TTLL11: variants seen among roughly 807,000 people sequenced by gnomAD.
TTLL11 encodes tubulin polyglutamylase TTLL11.
A neutral mutation model predicts 51.7 loss-of-function variants in TTLL11; 42 were observed. The observed-to-expected ratio is 0.81, with a 90% CI of 0.64 to 1.05. The LOEUF (loss-of-function observed/expected upper bound fraction) is 1.05, where lower values mean the gene tolerates loss of function less well. Among genes scored for constraint, TTLL11 ranks in the 50% least tolerant of loss-of-function variants. TTLL11 has a pLI of 0.00. For synonymous variants in TTLL11, 381 were observed against 383.5 expected, an observed-to-expected ratio of 0.99 and a Z score of 0.08; for missense variants, 799 against 940.4, an observed-to-expected ratio of 0.85 and a Z score of 1.97.
chr9:121,861,141 G>A (rs899572137), intron 7 of TTLL11, among the ~76,000 whole-genome samples: 2 of 150,388 alleles, frequency 1.3e-5, no homozygotes, highest in South Asian at 2.1e-4. Context: ...AGGCTGGAGT[G>A]CAGTATTGTA....
chr9:122,002,512 A>C (rs1843500397), intron 3 of TTLL11, among the ~76,000 whole-genome samples: 1 of 152,224 alleles, frequency 6.6e-6, no homozygotes, highest in Admixed American at 6.5e-5. Flanking sequence ...AAATAAATAC[A>C]GAGAAAAGCA....
chr9:121,851,595 G>A (rs1180104456), intron 8 of TTLL11, among the ~76,000 whole-genome samples: 1 of 152,224 alleles, frequency 6.6e-6, no homozygotes, highest in African/African-American at 2.4e-5. Context: ...TTAGGAGAGA[G>A]CCTGCTGGAG....
intron 6 of TTLL11, among the ~76,000 whole-genome samples, chr9:121,939,242 A>C (rs141786045): frequency 6.6e-6 from 1 of 152,328 alleles, no homozygotes; most frequent in Non-Finnish European, 1.5e-5. Context: ...GGAAATATTA[A>C]ATATTATAAT....
intron 3 of TTLL11, among the ~76,000 whole-genome samples, chr9:122,030,939 T>G (rs1306709776): frequency 6.6e-6 from 1 of 152,032 alleles, no homozygotes; most frequent in Non-Finnish European, 1.5e-5. Flanking sequence ...ACACTCCGTC[T>G]CAAAAACACA....
At position 122,030,213 on chromosome 9, in the gene TTLL11, G is replaced by GT. The variant is rs1360427894; in HGVS notation, c.693+1509_693+1510insA. ...CAGAAGAGAGACATTGGGGGGGGGG[G>GT]GGTAATTATGAGGAACAGCTGAGAG... On this transcript the variant is annotated intron_variant, in intron 3 of 8. Transcript: ENST00000321582. 2.9e-5 allele frequency among the ~76,000 whole-genome samples: 4 copies of GT among 135,752 alleles called. No individual in the cohort carries two copies. In the Admixed American group the frequency reaches 3.0e-4, roughly 10 times the overall value. 89.1% of individuals were successfully genotyped at this position (135,752 alleles called of 152,430 possible). A position where few individuals can be genotyped will look rare whatever the true frequency, so the allele number is the denominator to read the frequency against.
At chr9:122,061,838 A>G (rs1845441510) in intron 1 of TTLL11, among the ~76,000 whole-genome samples, 1 of 152,054 alleles carries the variant, frequency 6.6e-6, no homozygotes, top group Non-Finnish European at 1.5e-5. Context: ...GGGTTTCACC[A>G]CATTGGCCAG....
At chr9:121,826,551 G>GTATATATATATATATATATA in intron 8 of TTLL11, among the ~76,000 whole-genome samples, 1 of 36,340 alleles carries the variant, frequency 2.8e-5, no homozygotes, top group South Asian at 7.9e-4. Flanking sequence ...ATATATATAT[G>GTATATATATATATATATATA]TGTGTGTATA....
chr9:121,936,847 G>A (rs548141838), intron 6 of TTLL11, among the ~76,000 whole-genome samples: 46 of 152,334 alleles, frequency 3.0e-4, no homozygotes, highest in African/African-American at 1.1e-3. Flanking sequence ...ACATCACTAT[G>A]TGGGCTTTTA....
intron 6 of TTLL11, among the ~76,000 whole-genome samples, chr9:121,967,677 G>C (rs2131640074): frequency 6.6e-6 from 1 of 152,274 alleles, no homozygotes; most frequent in African/African-American, 2.4e-5. Flanking sequence ...ATCTAATGTA[G>C]AATGCCAACA....
At chr9:121,960,433 C>T (rs1298084321) in intron 6 of TTLL11, among the ~76,000 whole-genome samples, 2 of 152,094 alleles carry the variant, frequency 1.3e-5, no homozygotes, top group African/African-American at 4.8e-5. Flanking sequence ...CTCTGAGAGC[C>T]CCATGTCCTG....
At chr9:122,044,951 C>A (rs766061329) in intron 1 of TTLL11, among the ~76,000 whole-genome samples, 2 of 151,706 alleles carry the variant, frequency 1.3e-5, no homozygotes, top group African/African-American at 2.4e-5. Context: ...AACAAAATAC[C>A]TGAAAAATTA....
In TTLL11 at chr9:122,093,183, GC is replaced by G; in HGVS notation, c.-36del. The stretch of plus-strand genomic sequence containing the variant: ...GGCCGGGGCCAGTGCCAGTGCCACC[GC>G]CGCCGCCGCCGCCGCTCCGCCGCCC... On this transcript the variant is annotated 5_prime_UTR_variant, in exon 1 of 9. The change abolishes the stop of an existing upstream ORF in the 5' untranslated region. Coordinates refer to ENST00000321582, the MANE Select transcript of TTLL11 (RefSeq NM_001139442.2). 1 of 1,304,340 alleles carries G rather than the reference GC, an allele frequency of 7.7e-7. No individual in the cohort carries two copies. The highest frequency in any genetic ancestry group is 1.5e-5 in the South Asian group (1 of 64,616). 80.8% of individuals were successfully genotyped at this position (1,304,340 alleles called of 1,614,324 possible).
intron 6 of TTLL11, among the ~76,000 whole-genome samples, chr9:121,897,640 A>ACACACACACACACACACACACATACG (rs111331446): frequency 7.2e-6 from 1 of 139,292 alleles, no homozygotes; most frequent in Non-Finnish European, 1.6e-5. Context: ...ACACACACAC[A>ACACACACACACACACACACACATACG]CGCGCGCGCG....
rs115850547 is a variant in TTLL11 at position 121,950,205 on chromosome 9, C to T, written c.1481+23804G>A. On this transcript the variant is annotated intron_variant, in intron 6 of 8. Transcript: ENST00000321582. The stretch of plus-strand genomic sequence containing the variant: ...TATGACCCTCCTAGGCGCTCTGCAC[C>T]CCGTATCACCGCACTCCTCAAATGA... 6.9e-3 allele frequency among the ~76,000 whole-genome samples: 1,047 copies of T among 152,164 alleles called. 12 individuals carry two copies. Among genetic ancestry groups the T allele is most frequent in the African/African-American group, 0.022 (905 of 41,490 alleles).
chr9:121,832,335 C>T (rs747251044), intron 8 of TTLL11, among the ~76,000 whole-genome samples: 4 of 152,130 alleles, frequency 2.6e-5, no homozygotes, highest in Non-Finnish European at 4.4e-5. Flanking sequence ...CCTGCCCCTT[C>T]GCCAGCACTC....
At position 121,982,402 on chromosome 9, in the gene TTLL11, G is replaced by A. The variant is rs554541516; in HGVS notation, c.1269+6793C>T. Among the ~76,000 whole-genome samples, 7 of 152,202 alleles carry A rather than the reference G, an allele frequency of 4.6e-5. No homozygotes were observed. In the East Asian group the frequency reaches 1.4e-3, roughly 29 times the overall value. ...CTCAGGGAGGTGACATATGGACAGG[G>A]GCTAAATAAAGTGAGAGAATAAGTC... On this transcript the variant is annotated intron_variant, in intron 4 of 8. Coordinates refer to ENST00000321582, the MANE Select transcript of TTLL11 (RefSeq NM_001139442.2).
chr9:122,058,242 G>T (rs1473259672), intron 1 of TTLL11, among the ~76,000 whole-genome samples: 4 of 152,224 alleles, frequency 2.6e-5, no homozygotes, highest in African/African-American at 9.6e-5. Flanking sequence ...GTGCCTGGGA[G>T]GGAGTAGGCG....
chr9:121,910,005 T>C (rs1015982894), intron 6 of TTLL11, among the ~76,000 whole-genome samples: 1 of 152,154 alleles, frequency 6.6e-6, no homozygotes, highest in African/African-American at 2.4e-5. Flanking sequence ...TTTTCCCCCA[T>C]AACCTCGCTG....
At chr9:121,844,248 G>T (rs1303326331) in intron 8 of TTLL11, among the ~76,000 whole-genome samples, 1 of 151,756 alleles carries the variant, frequency 6.6e-6, no homozygotes, top group Non-Finnish European at 1.5e-5. Flanking sequence ...CCAAGAAAAA[G>T]ATTCCATTTA....
Sources: gnomAD v4.1 joint callset for allele counts (sites outside exome capture counted in the v4.1 genomes callset) on GRCh38, gnomAD v4.1.1 for gene constraint, MANE v1.5 for transcripts, NCBI Gene and HGNC (gene_info 2026-07-23, HGNC 2026-07-21) for gene names.